The following CLSTN1 variants were observed in gnomAD, a reference collection of about 807,000 sequenced individuals.
The protein encoded by CLSTN1 is calsyntenin-1.
A neutral mutation model predicts 108.3 loss-of-function variants in CLSTN1; 28 were observed. The ratio of observed to expected loss-of-function variants is 0.26; its 90% CI spans 0.19 to 0.35. The LOEUF (loss-of-function observed/expected upper bound fraction) is 0.35, where lower values mean the gene tolerates loss of function less well. Among genes scored for constraint, CLSTN1 ranks in the 10% least tolerant of loss-of-function variants. The pLI is 1.00. For missense variants in CLSTN1, 1,157 were observed against 1,302.6 expected (o/e 0.89, Z 1.72); for synonymous variants, 524 against 534.9 (o/e 0.98, Z 0.28).
intron 10 of CLSTN1, among the ~76,000 whole-genome samples, chr1:9,738,426 G>C (rs1040631169): frequency 1.3e-5 from 2 of 152,158 alleles, no homozygotes; most frequent in African/African-American, 4.8e-5. Flanking sequence ...GCTGCATCAA[G>C]GGGCAAGGCT....
intron 1 of CLSTN1, among the ~76,000 whole-genome samples, chr1:9,803,584 C>T (rs1033616077): frequency 2.6e-5 from 4 of 152,138 alleles, no homozygotes; most frequent in African/African-American, 9.7e-5. Context: ...GGGCAGATAA[C>T]TTGAAGTCAG....
intron 1 of CLSTN1, among the ~76,000 whole-genome samples, chr1:9,812,259 CGGA>C (rs1570523886): frequency 6.6e-6 from 1 of 152,132 alleles, no homozygotes; most frequent in Non-Finnish European, 1.5e-5. Flanking sequence ...CCACTGAGAA[CGGA>C]GTAGAGCCTA....
chr1:9,769,041 G>C (rs1235385406), intron 2 of CLSTN1, among the ~76,000 whole-genome samples: 1 of 143,948 alleles, frequency 6.9e-6, no homozygotes, highest in African/African-American at 2.6e-5. Context: ...GGGAGAAAGG[G>C]GAAAAGGGAG....
In CLSTN1 at chr1:9,751,515, C is replaced by G; in HGVS notation, c.607G>C (p.Glu203Gln). 1 of 1,614,126 alleles carries G rather than the reference C, an allele frequency of 6.2e-7. No homozygotes were observed. The highest frequency in any genetic ancestry group is 8.5e-7 in the Non-Finnish European group (1 of 1,180,012). Residue 203 changes from glutamate to glutamine, a missense_variant, in exon 5 of 19, where the codon GAA (glutamate) becomes CAA (glutamine). Coordinates refer to ENST00000377298, the MANE Select transcript of CLSTN1 (RefSeq NM_001009566.3). ...SPQFSQICSY[E>Q]IITPDVPFTV... is the part of the protein sequence containing the mutation. The stretch of plus-strand genomic sequence containing the variant: ...AAGGGCACGTCTGGAGTGATGATTT[C>G]GTAGCTGCAAATCTGGCTGAACTGA...
chr1:9,807,705 C>A (rs747848117), intron 1 of CLSTN1, among the ~76,000 whole-genome samples: 19 of 152,244 alleles, frequency 1.2e-4, no homozygotes, highest in Admixed American at 1.0e-3. Context: ...CCACCGCCCC[C>A]GGTTGTGGCT....
At chr1:9,745,184 G>A (rs941923740) in intron 7 of CLSTN1, among the ~76,000 whole-genome samples, 24 of 144,300 alleles carry the variant, frequency 1.7e-4, no homozygotes, top group Middle Eastern at 3.9e-3. Flanking sequence ...AGCCGAGATC[G>A]CACCCCTGCA....
At chr1:9,809,690 C>G (rs1264537439) in intron 1 of CLSTN1, among the ~76,000 whole-genome samples, 3 of 151,894 alleles carry the variant, frequency 2.0e-5, no homozygotes, top group African/African-American at 7.3e-5. Context: ...ATCATGAGGT[C>G]AAGAGTTCGA....
chr1:9,778,087 G>T (rs1253708266), intron 1 of CLSTN1, among the ~76,000 whole-genome samples: 1 of 152,042 alleles, frequency 6.6e-6, no homozygotes, highest in African/African-American at 2.4e-5. Flanking sequence ...CTAGAAAATG[G>T]GGACAATAAT....
At chr1:9,776,604 AAC>A (rs1458965650) in intron 1 of CLSTN1, among the ~76,000 whole-genome samples, 12 of 152,176 alleles carry the variant, frequency 7.9e-5, no homozygotes, top group Admixed American at 7.9e-4. Context: ...AAAGCCAAGT[AAC>A]AAGCCTCCCT....
chr1:9,810,457 C>T (rs1238215176), intron 1 of CLSTN1, among the ~76,000 whole-genome samples: 1 of 151,384 alleles, frequency 6.6e-6, no homozygotes, highest in Admixed American at 6.6e-5. Context: ...GGCTGGGCAA[C>T]AGAATGAGAC....
chr1:9,751,708 T>C (rs1417436201), intron 4 of CLSTN1, 27 bp from the exon 5 acceptor site: 9 of 1,601,306 alleles, frequency 5.6e-6, no homozygotes, highest in Admixed American at 1.7e-5. Flanking sequence ...AGAAAAATAT[T>C]TTTCTGCTTG....
At chr1:9,816,202 T>C (rs1447114116) in intron 1 of CLSTN1, among the ~76,000 whole-genome samples, 8 of 152,174 alleles carry the variant, frequency 5.3e-5, no homozygotes, top group Admixed American at 5.2e-4. Context: ...TCCTGATACA[T>C]GCTACAACAT....
chr1:9,756,460 G>A (rs1372874422), intron 3 of CLSTN1, 21 bp downstream of exon 3: 2 of 1,606,704 alleles, frequency 1.2e-6, no homozygotes, highest in Non-Finnish European at 8.5e-7. Flanking sequence ...CATAAGAGGG[G>A]AAGAAAGAAC....
chr1:9,765,061 G>A (rs565929036), intron 2 of CLSTN1, among the ~76,000 whole-genome samples: 8 of 152,084 alleles, frequency 5.3e-5, no homozygotes, highest in Non-Finnish European at 8.8e-5. Context: ...CATGTGAAAT[G>A]TCATTTTTTT....
chr1:9,758,723 G>A lies in CLSTN1; in HGVS notation c.215-2213C>T, dbSNP rs143430201. 6.9e-3 allele frequency among the ~76,000 whole-genome samples: 1,054 copies of A among 152,258 alleles called. 11 individuals are homozygous for A. Among genetic ancestry groups the A allele is most frequent in the African/African-American group, 0.024 (986 of 41,536 alleles). The stretch of plus-strand genomic sequence containing the variant: ...CTACTACCTAACAGTGAGAATCCAC[G>A]GGTCAAAACATGTAAAGTGCTTAAA... On this transcript the variant is annotated intron_variant, in intron 2 of 18. Coordinates refer to ENST00000377298, the MANE Select transcript of CLSTN1 (RefSeq NM_001009566.3).
At chr1:9,788,097 A>C (rs2101214386) in intron 1 of CLSTN1, among the ~76,000 whole-genome samples, 1 of 151,466 alleles carries the variant, frequency 6.6e-6, no homozygotes, top group African/African-American at 2.4e-5. Context: ...TCTACAAAAA[A>C]TACAAAAATT....
intron 1 of CLSTN1, among the ~76,000 whole-genome samples, chr1:9,805,710 T>C (rs1023084449): frequency 1.3e-5 from 2 of 151,310 alleles, no homozygotes; most frequent in Non-Finnish European, 2.9e-5. Flanking sequence ...CTACTAAAAA[T>C]ACAAAAATTA....
At chr1:9,814,089 G>A (rs944409565) in intron 1 of CLSTN1, among the ~76,000 whole-genome samples, 2 of 150,890 alleles carry the variant, frequency 1.3e-5, no homozygotes, top group African/African-American at 2.4e-5. Flanking sequence ...GTGACAGAGC[G>A]AGACACTGTC....
chr1:9,820,159 C>A lies in CLSTN1; in HGVS notation c.91+3484G>T, dbSNP rs370984378. Among the ~76,000 whole-genome samples, 18 of 152,112 alleles carry A rather than the reference C, an allele frequency of 1.2e-4. No homozygotes were observed. The East Asian group carries it at 2.9e-3, about 24-fold the overall frequency. The stretch of plus-strand genomic sequence containing the variant: ...AAAGTGCTGGAATTACAGGGGTGAG[C>A]CACCGAGGCTGGCCCCATGATCCTT... On this transcript the variant is annotated intron_variant, in intron 1 of 18. Transcript: ENST00000377298.
Sources: allele counts gnomAD v4.1 joint callset (sites outside exome capture counted in the v4.1 genomes callset), GRCh38; gene constraint gnomAD v4.1.1; transcripts MANE v1.5; gene names NCBI Gene and HGNC (gene_info 2026-07-23, HGNC 2026-07-21).